FGD4: variants seen among roughly 807,000 people sequenced by gnomAD.
The protein encoded by FGD4 is FYVE, RhoGEF and PH domain containing 4.
A neutral mutation model predicts 102.0 loss-of-function variants in FGD4; 42 were observed. That is an observed-to-expected ratio of 0.41 (90% CI 0.32 to 0.53). FGD4 has a LOEUF of 0.53. Ranked by LOEUF, FGD4 falls within the 20% of genes least tolerant of loss-of-function variation. FGD4 has a pLI of 0.21. For synonymous variants in FGD4, 380 were observed against 375.7 expected (o/e 1.01, Z -0.13); for missense variants, 902 against 1,078.2 (o/e 0.84, Z 2.29).
At chr12:32,571,074 A>T (rs1270378302) in intron 2 of FGD4, among the ~76,000 whole-genome samples, 1 of 152,214 alleles carries the variant, frequency 6.6e-6, no homozygotes, top group African/African-American at 2.4e-5. Flanking sequence ...TTTACTTCTC[A>T]AAGTAGCTGT....
rs1949110926 is a variant in FGD4 at position 32,611,160 on chromosome 12, G to A, written c.1626G>A (p.Glu542=). 1 of 1,614,018 alleles carries A rather than the reference G, an allele frequency of 6.2e-7. No individual in the cohort carries two copies. The highest frequency in any genetic ancestry group is 1.7e-5 in the Admixed American group (1 of 60,004). ...RKMENLKKLL[E]IYEMLGEEED... ...AGGAGAACCTAAAGAAACTCTTAGA[G>A]ATTTATGAAATGTTGGGAGAAGAAG... The change falls in exon 10 of 17, where the codon GAG becomes GAA. Residue 542 remains glutamate, a synonymous_variant. Transcript: ENST00000534526.
At chr12:32,591,192 A>G (rs1947449589) in intron 4 of FGD4, among the ~76,000 whole-genome samples, 1 of 152,190 alleles carries the variant, frequency 6.6e-6, no homozygotes, top group South Asian at 2.1e-4. Context: ...TATCTAACTG[A>G]CAGCAGATTT....
In FGD4 at chr12:32,642,146, C is replaced by T. The variant is rs1951185447; in HGVS notation, c.*1613C>T. The T allele has an allele frequency of 6.6e-6, 1 of 152,080 alleles. No individual in the cohort carries two copies. The highest frequency in any genetic ancestry group is 2.1e-4 in the South Asian group (1 of 4,826). 9.4% of individuals were successfully genotyped at this position (152,080 alleles called of 1,614,324 possible). A position where few individuals can be genotyped will look rare whatever the true frequency, so the allele number is the denominator to read the frequency against. ...CCAATTATTGCTGACATAATAGGTT[C>T]CCTTCCTCCATAAAAGGATTATCAG... is the stretch of plus-strand genomic sequence containing the variant. On this transcript the variant is annotated 3_prime_UTR_variant, in exon 17 of 17. Transcript: ENST00000534526.
At chr12:32,576,584 G>A (rs1946145198) in intron 3 of FGD4, 135 bp downstream of exon 3, 3 of 993,230 alleles carry the variant, frequency 3.0e-6, no homozygotes, top group African/African-American at 1.6e-5. Flanking sequence ...TTCAGAAAGG[G>A]TGAATTTTTA....
At position 32,635,904 on chromosome 12, in the gene FGD4, C is replaced by T. The variant is rs1016016940; in HGVS notation, c.2313+2215C>T. On this transcript the variant is annotated intron_variant, in intron 15 of 16. Transcript: ENST00000534526. ...GTGTGCCCCTGTAATCCCAGCTACT[C>T]GGGAGGCTGAGGCAGGAGAATCACT... Among the ~76,000 whole-genome samples the T allele has an allele frequency of 9.3e-4, 140 of 151,246 alleles. 3 individuals are homozygous for T. The highest frequency in any genetic ancestry group is 3.1e-4 in the Non-Finnish European group (21 of 67,794).
At chr12:32,573,163 T>C (rs1047459390) in intron 2 of FGD4, among the ~76,000 whole-genome samples, 2 of 152,162 alleles carry the variant, frequency 1.3e-5, no homozygotes, top group African/African-American at 4.8e-5. Context: ...TGGCGCGATC[T>C]CGGCTCACTG....
At chr12:32,494,884 C>T (rs956835066) in intron 1 of FGD4, among the ~76,000 whole-genome samples, 1 of 152,166 alleles carries the variant, frequency 6.6e-6, no homozygotes, top group Non-Finnish European at 1.5e-5. Context: ...TGAGAAGTGA[C>T]TAGACCTCCC....
rs532653236 is a variant in FGD4 at position 32,629,807 on chromosome 12, G to A, written c.2173-3742G>A. Among the ~76,000 whole-genome samples the A allele has an allele frequency of 5.0e-4, 76 of 152,146 alleles. No individual in the cohort carries two copies. In the South Asian group the frequency reaches 0.014, roughly 29 times the overall value. On this transcript the variant is annotated intron_variant, in intron 14 of 16. Transcript: ENST00000534526. ...TAGTGTTTGTTGTTTGCCACTTTAT[G>A]TTTTCAAACATTTCTTATGTAATTT...
intron 1 of FGD4, among the ~76,000 whole-genome samples, chr12:32,529,847 AAAAAAAAAATTT>A (rs1249439647): frequency 6.7e-6 from 1 of 150,140 alleles, no homozygotes; most frequent in Non-Finnish European, 1.5e-5. Context: ...TGTCTAAAAA[AAAAAAAAAATTT>A]AAAAAAAAAA....
At chr12:32,473,956 TG>T (rs745455143) in intron 1 of FGD4, among the ~76,000 whole-genome samples, 16 of 151,538 alleles carry the variant, frequency 1.1e-4, no homozygotes, top group Non-Finnish European at 2.1e-4. Context: ...AGCATGGTGG[TG>T]GGCGCCTGTA....
chr12:32,445,860 T>G (rs1320696149), intron 1 of FGD4, among the ~76,000 whole-genome samples: 4 of 152,180 alleles, frequency 2.6e-5, no homozygotes, highest in African/African-American at 7.2e-5. Flanking sequence ...CCTTCATTTG[T>G]AGCTAATTTA....
chr12:32,575,408 G>A (rs1946046818), intron 2 of FGD4, among the ~76,000 whole-genome samples: 1 of 152,144 alleles, frequency 6.6e-6, no homozygotes, highest in African/African-American at 2.4e-5. Flanking sequence ...AGAGAAGGGG[G>A]AGGTTTCAGG....
chr12:32,529,073 A>G (rs1012584104), intron 1 of FGD4, among the ~76,000 whole-genome samples: 3 of 152,358 alleles, frequency 2.0e-5, no homozygotes, highest in East Asian at 1.9e-4. Context: ...AAGAATTTCT[A>G]TGCCTCATTT....
chr12:32,563,302 A>G (rs1378783979), intron 1 of FGD4, among the ~76,000 whole-genome samples: 2 of 130,374 alleles, frequency 1.5e-5, no homozygotes, highest in Admixed American at 7.7e-5. Flanking sequence ...CCGGGCAGAG[A>G]CGCTCCTCAC....
intron 1 of FGD4, among the ~76,000 whole-genome samples, chr12:32,489,970 A>G (rs1046451929): frequency 9.9e-5 from 15 of 152,128 alleles, no homozygotes; most frequent in African/African-American, 3.6e-4. Context: ...AGTGATGTCC[A>G]GTTTCAGTCT....
chr12:32,451,447 AATCAT>A (rs1283715749), intron 1 of FGD4, among the ~76,000 whole-genome samples: 25 of 152,312 alleles, frequency 1.6e-4, no homozygotes, highest in African/African-American at 6.0e-4. Context: ...TGGAGTCTGT[AATCAT>A]ATCAGAGTGC....
chr12:32,542,115 A>G (rs1942887105), intron 1 of FGD4, among the ~76,000 whole-genome samples: 1 of 151,624 alleles, frequency 6.6e-6, no homozygotes, highest in South Asian at 2.1e-4. Context: ...CCTACTTAGC[A>G]GTGTTCATTT....
intron 1 of FGD4, among the ~76,000 whole-genome samples, chr12:32,549,483 T>C (rs2136182788): frequency 6.6e-6 from 1 of 152,198 alleles, no homozygotes; most frequent in East Asian, 1.9e-4. Flanking sequence ...ATTAACAGAA[T>C]TCAGGAAATC....
rs1592527093 is a variant in FGD4, at chr12:32,644,968, T to A, written c.*4435T>A. The A allele has an allele frequency of 6.6e-6, 1 of 152,146 alleles. No homozygotes were observed. The highest frequency in any genetic ancestry group is 1.5e-5 in the Non-Finnish European group (1 of 68,028). 9.4% of individuals were successfully genotyped at this position (152,146 alleles called of 1,614,324 possible). A position where few individuals can be genotyped will look rare whatever the true frequency, so the allele number is the denominator to read the frequency against. On this transcript the variant is annotated 3_prime_UTR_variant, in exon 17 of 17. Coordinates refer to ENST00000534526, the MANE Select transcript of FGD4 (RefSeq NM_001370298.3). Reference sequence around the variant, plus strand: ...TTTGGCAGAATGCAGTATCTTTTCCTGTATTTTGACATGAAATAGCACATG... The same window carrying A: ...TTTGGCAGAATGCAGTATCTTTTCCAGTATTTTGACATGAAATAGCACATG...
Sources: gnomAD v4.1 joint callset for allele counts (sites outside exome capture counted in the v4.1 genomes callset) on GRCh38, gnomAD v4.1.1 for gene constraint, MANE v1.5 for transcripts, NCBI Gene and HGNC (gene_info 2026-07-23, HGNC 2026-07-21) for gene names.